GLRA2: variants seen among roughly 807,000 people sequenced by gnomAD.
The protein encoded by GLRA2 is glycine receptor subunit alpha-2.
GLRA2 carries 11 observed loss-of-function variants against 31.6 expected under a neutral mutation model. That is an observed-to-expected ratio of 0.35 (90% CI 0.22 to 0.58). The LOEUF (loss-of-function observed/expected upper bound fraction) is 0.58, where lower values mean the gene tolerates loss of function less well. GLRA2 is among the 20% of genes least tolerant of loss of function. The pLI is 0.84. For missense variants in GLRA2, 212 were observed against 351.8 expected, an observed-to-expected ratio of 0.60 and a Z score of 3.18; for synonymous variants, 132 against 134.0, an observed-to-expected ratio of 0.99 and a Z score of 0.10.
chrX:14,486,013 C>A, the GLRA2 span, among the ~76,000 whole-genome samples: 4 of 111,813 alleles, frequency 3.6e-5, no homozygotes, highest in Non-Finnish European at 7.5e-5. Flanking sequence ...TGTCTGGCTC[C>A]TTTATTCCAA....
the GLRA2 span, among the ~76,000 whole-genome samples, chrX:14,464,626 G>T: frequency 9.0e-6 from 1 of 111,474 alleles, no homozygotes. Context: ...GTGCGATCTC[G>T]GCTCACTGCA....
chrX:14,472,547 C>T, the GLRA2 span, among the ~76,000 whole-genome samples: 3 of 110,968 alleles, frequency 2.7e-5, 1 homozygote, highest in South Asian at 1.2e-3. Flanking sequence ...CTCTTTTAGG[C>T]CCCAGTGTGT....
chrX:14,503,761 A>C, the GLRA2 span, among the ~76,000 whole-genome samples: 1 of 111,258 alleles, frequency 9.0e-6, no homozygotes, highest in African/African-American at 3.3e-5. Flanking sequence ...TGCGCATGAG[A>C]ACCTCCAGGA....
intron 7 of GLRA2, among the ~76,000 whole-genome samples, chrX:14,614,857 T>G (rs950174455): frequency 1.8e-5 from 2 of 111,896 alleles, no homozygotes; most frequent in Non-Finnish European, 3.8e-5. Flanking sequence ...TCTATCCATC[T>G]TTAGGAGAAC....
chrX:14,462,789 C>A, the GLRA2 span, among the ~76,000 whole-genome samples: 2,030 of 111,663 alleles, frequency 0.018, 65 homozygotes, highest in African/African-American at 0.063. Context: ...TGGGTTAGAA[C>A]ATGCTCCTTT....
intron 7 of GLRA2, among the ~76,000 whole-genome samples, chrX:14,674,953 C>G (rs777991470): frequency 1.8e-5 from 2 of 111,910 alleles, no homozygotes; most frequent in African/African-American, 6.5e-5. Context: ...TCCGAATCCC[C>G]ACTTCCCCCT....
intron 7 of GLRA2, among the ~76,000 whole-genome samples, chrX:14,654,990 T>C (rs2090925964): frequency 9.0e-6 from 1 of 111,247 alleles, no homozygotes; most frequent in South Asian, 3.9e-4. Context: ...CCCCCATGAT[T>C]CAATTATCTC....
intron 2 of GLRA2, among the ~76,000 whole-genome samples, chrX:14,553,769 T>C (rs1319522545): frequency 3.6e-5 from 4 of 112,004 alleles, no homozygotes; most frequent in African/African-American, 9.7e-5. Flanking sequence ...TGGAAATCAA[T>C]TTAACATACA....
rs746382521 is a variant in GLRA2 at position 14,532,128 on chromosome X, T to G, written c.69-111T>G. ...GTTTGGATTTTTCTAGTTTTCTTCA[T>G]ACTAACATATCAAATATCTTTACCA... On this transcript the variant is annotated intron_variant, in intron 1 of 8. Coordinates refer to ENST00000218075, the MANE Select transcript of GLRA2 (RefSeq NM_002063.4). The G allele has an allele frequency of 8.6e-5, 43 of 502,732 alleles. No homozygotes were observed. In the African/African-American group the frequency reaches 8.8e-4, roughly 10 times the overall value. The allele number at this position is 502,732 out of a possible 1,213,427, so 41.4% of individuals were successfully genotyped here. A position where few individuals can be genotyped will look rare whatever the true frequency, so the allele number is the denominator to read the frequency against.
intron 7 of GLRA2, among the ~76,000 whole-genome samples, chrX:14,621,408 C>T (rs1030553457): frequency 9.0e-6 from 1 of 110,786 alleles, no homozygotes; most frequent in African/African-American, 3.3e-5. Context: ...TGCATATGCA[C>T]AATGTGCAGG....
At chrX:14,587,577 T>C (rs768924007) in intron 4 of GLRA2, among the ~76,000 whole-genome samples, 5 of 112,279 alleles carry the variant, frequency 4.5e-5, no homozygotes, top group Non-Finnish European at 9.4e-5. Flanking sequence ...GTTGACCATG[T>C]GTATGTCTTC....
the GLRA2 span, among the ~76,000 whole-genome samples, chrX:14,504,513 C>A: frequency 9.0e-5 from 10 of 111,390 alleles, no homozygotes; most frequent in African/African-American, 3.3e-4. Flanking sequence ...TTTGAGTGGG[C>A]AGATGAGCAG....
At chrX:14,476,049 C>T in the GLRA2 span, among the ~76,000 whole-genome samples, 15 of 111,381 alleles carry the variant, frequency 1.3e-4, no homozygotes, top group African/African-American at 3.6e-4. Flanking sequence ...TTCTGAGACC[C>T]GCCCCTAGAG....
intron 4 of GLRA2, among the ~76,000 whole-genome samples, chrX:14,588,292 C>G (rs772482977): frequency 5.0e-4 from 56 of 111,709 alleles, no homozygotes; most frequent in Non-Finnish European, 8.5e-4. Context: ...AGGTGGTAGT[C>G]CAGTTTCATT....
chrX:14,575,100 A>C (rs2089936107), intron 3 of GLRA2, among the ~76,000 whole-genome samples: 1 of 111,099 alleles, frequency 9.0e-6, no homozygotes, highest in South Asian at 3.7e-4. Context: ...CAAAAAAAAA[A>C]ACCCCTAAAC....
At chrX:14,459,487 G>C in the GLRA2 span, among the ~76,000 whole-genome samples, 1 of 110,347 alleles carries the variant, frequency 9.1e-6, no homozygotes, top group South Asian at 4.0e-4. Flanking sequence ...TCACGATATT[G>C]ATTCTTCCTA....
At chrX:14,685,913 A>C (rs1467963246) in intron 7 of GLRA2, among the ~76,000 whole-genome samples, 1 of 111,550 alleles carries the variant, frequency 9.0e-6, no homozygotes, top group Non-Finnish European at 1.9e-5. Context: ...TTAGGTTGTC[A>C]ATTTTAGATC....
At chrX:14,705,310 G>A (rs1318253585) in intron 8 of GLRA2, among the ~76,000 whole-genome samples, 1 of 111,622 alleles carries the variant, frequency 9.0e-6, no homozygotes, top group African/African-American at 3.3e-5. Context: ...TCTCAGCCAG[G>A]AGCTATTTTT....
At chrX:14,519,011 CAAAAAAAA>C in the GLRA2 span, among the ~76,000 whole-genome samples, 3 of 27,276 alleles carry the variant, frequency 1.1e-4, no homozygotes, top group Non-Finnish European at 2.0e-4. Context: ...GACTCGGTCT[CAAAAAAAA>C]AAAAAAAAAA....
Sources: gnomAD v4.1 joint callset for allele counts (sites outside exome capture counted in the v4.1 genomes callset) on GRCh38, gnomAD v4.1.1 for gene constraint, MANE v1.5 for transcripts, NCBI Gene and HGNC (gene_info 2026-07-23, HGNC 2026-07-21) for gene names.